The following KCNK2 variants were observed in gnomAD, a reference collection of about 807,000 sequenced individuals.
KCNK2 encodes potassium channel subfamily K member 2.
Under a neutral mutation model 40.5 loss-of-function variants are expected in KCNK2, and 21 were observed. The ratio of observed to expected loss-of-function variants is 0.52; its 90% confidence interval spans 0.37 to 0.75. The LOEUF is 0.75. Among genes scored for constraint, KCNK2 ranks in the 30% least tolerant of loss-of-function variants. The pLI, the probability that KCNK2 is intolerant of heterozygous loss-of-function variation, is 0.00. For synonymous variants in KCNK2, 191 were observed against 202.2 expected (o/e 0.94, Z 0.47); for missense variants, 399 against 531.6 (o/e 0.75, Z 2.45).
chr1:215,227,480 G>A (rs893584447), intron 6 of KCNK2, among the ~76,000 whole-genome samples: 2 of 152,200 alleles, frequency 1.3e-5, no homozygotes, highest in Admixed American at 6.5e-5. Flanking sequence ...CCGACATGGA[G>A]TTTGAGAGGG....
intron 1 of KCNK2, among the ~76,000 whole-genome samples, chr1:215,037,334 T>C (rs578197291): frequency 1.9e-4 from 29 of 152,102 alleles, no homozygotes; most frequent in African/African-American, 6.0e-4. Flanking sequence ...GTTATACTGA[T>C]AGATTTTCAA....
chr1:215,029,699 T>G (rs901305477), intron 1 of KCNK2, among the ~76,000 whole-genome samples: 2 of 150,190 alleles, frequency 1.3e-5, no homozygotes, highest in African/African-American at 2.4e-5. Flanking sequence ...ATTTTTAAAA[T>G]TAAATTACCA....
intron 6 of KCNK2, among the ~76,000 whole-genome samples, chr1:215,206,785 T>C (rs1417775974): frequency 6.6e-6 from 1 of 152,202 alleles, no homozygotes; most frequent in Non-Finnish European, 1.5e-5. Context: ...TAATAATGCA[T>C]ATTGATCCCT....
intron 2 of KCNK2, among the ~76,000 whole-genome samples, chr1:215,110,933 T>C (rs1660655654): frequency 6.6e-6 from 1 of 152,168 alleles, no homozygotes; most frequent in South Asian, 2.1e-4. Flanking sequence ...ACATACAATG[T>C]CATGTGTCCA....
chr1:215,125,591 G>A (rs2102582224), intron 3 of KCNK2, among the ~76,000 whole-genome samples: 1 of 151,868 alleles, frequency 6.6e-6, no homozygotes, highest in East Asian at 1.9e-4. Flanking sequence ...CCTGTTGTGG[G>A]GTGGGGAGAT....
intron 3 of KCNK2, 53 bp downstream of exon 3, chr1:215,124,803 A>G: frequency 9.2e-7 from 1 of 1,082,146 alleles, no homozygotes; most frequent in African/African-American, 1.6e-5. Flanking sequence ...GTGAGCTAAA[A>G]TCCATTTGTT....
At chr1:215,215,483 A>G (rs181028303) in intron 6 of KCNK2, among the ~76,000 whole-genome samples, 396 of 152,294 alleles carry the variant, frequency 2.6e-3, no homozygotes, top group Non-Finnish European at 4.8e-3. Flanking sequence ...TAAATATGAA[A>G]GTTTGCCTGA....
chr1:215,111,948 T>TTTTTTTTTTTTTGAGACGG (rs1320159445), intron 2 of KCNK2, among the ~76,000 whole-genome samples: 1 of 150,778 alleles, frequency 6.6e-6, no homozygotes, highest in African/African-American at 2.5e-5. Flanking sequence ...AAATCTTTTT[T>TTTTTTTTTTTTTGAGACGG]ATAGTTGTGC....
intron 1 of KCNK2, among the ~76,000 whole-genome samples, chr1:215,041,299 A>C (rs570378880): frequency 6.6e-6 from 1 of 152,220 alleles, no homozygotes; most frequent in Non-Finnish European, 1.5e-5. Context: ...CACTTCCAGA[A>C]GTTGTAATAA....
intron 6 of KCNK2, among the ~76,000 whole-genome samples, chr1:215,231,853 C>A (rs997143705): frequency 6.6e-6 from 1 of 152,158 alleles, no homozygotes; most frequent in South Asian, 2.1e-4. Context: ...GGACTTCTTA[C>A]GTGGCAGCGG....
intron 6 of KCNK2, among the ~76,000 whole-genome samples, chr1:215,211,670 T>C (rs1001044889): frequency 1.3e-5 from 2 of 152,296 alleles, no homozygotes; most frequent in Admixed American, 6.5e-5. Flanking sequence ...GCTTGTTGAA[T>C]TGAATGGATG....
At chr1:215,180,872 T>C (rs1275639755) in intron 5 of KCNK2, among the ~76,000 whole-genome samples, 1 of 152,144 alleles carries the variant, frequency 6.6e-6, no homozygotes, top group Non-Finnish European at 1.5e-5. Context: ...TCACAGGTGT[T>C]CTCTGGATTT....
At chr1:215,049,981 TC>T (rs1657925519) in intron 1 of KCNK2, among the ~76,000 whole-genome samples, 1 of 152,140 alleles carries the variant, frequency 6.6e-6, no homozygotes, top group South Asian at 2.1e-4. Context: ...GTTTCAGTTA[TC>T]CTAGAGCCTG....
In KCNK2 at chr1:215,086,692, A is replaced by T; in HGVS notation, c.357+14A>T. The T allele has an allele frequency of 1.2e-6, 2 of 1,605,754 alleles. No homozygotes were observed. The highest frequency in any genetic ancestry group is 1.7e-6 in the Non-Finnish European group (2 of 1,174,222). ...GAACTCATTCAGGTAATGGCATGGG[A>T]GGAGTTGTTACTCTGTTCCCCCAAA... On this transcript the variant is annotated intron_variant, in intron 2 of 6. Transcript: ENST00000444842.
At chr1:215,080,285 G>A (rs1366648922), upstream of KCNK2, among the ~76,000 whole-genome samples, 1 of 152,126 alleles carries the variant, frequency 6.6e-6, no homozygotes, top group East Asian at 1.9e-4. Flanking sequence ...GGCAAGATGC[G>A]GTTAAATTTG....
At chr1:215,078,547 C>G (rs560050821), upstream of KCNK2, among the ~76,000 whole-genome samples, 1 of 152,250 alleles carries the variant, frequency 6.6e-6, no homozygotes, top group Non-Finnish European at 1.5e-5. Context: ...ACCATCAGAT[C>G]TCATGAAACT....
intron 1 of KCNK2, among the ~76,000 whole-genome samples, chr1:215,043,817 C>A (rs1657649233): frequency 6.6e-6 from 1 of 151,854 alleles, no homozygotes; most frequent in Non-Finnish European, 1.5e-5. Context: ...TATATTTTAC[C>A]ACAATAAGAA....
At chr1:215,050,082 A>T (rs898619332) in intron 1 of KCNK2, among the ~76,000 whole-genome samples, 3 of 152,176 alleles carry the variant, frequency 2.0e-5, no homozygotes, top group African/African-American at 7.2e-5. Context: ...AAACCTATAG[A>T]TCAACATGGG....
In KCNK2 at chr1:215,086,578, C is replaced by G; in HGVS notation, c.257C>G (p.Pro86Arg). ...ACCGTGTTCAAAGCATTGGAGCAGC[C>G]TCATGAGATTTCACAGAGGACCACC... Reference protein sequence around the residue: ...GATVFKALEQPHEISQRTTIV... With the variant: ...GATVFKALEQRHEISQRTTIV... Residue 86 changes from proline (P) to arginine (R), a missense_variant, in exon 2 of 7, where the codon CCT (proline) becomes CGT (arginine). Physicochemically the swap from Pro to Arg is moderately radical, Grantham distance 103. Coordinates refer to ENST00000444842, the MANE Select transcript of KCNK2 (RefSeq NM_001017425.3). The G allele has an allele frequency of 6.2e-7, 1 of 1,614,160 alleles. No individual in the cohort carries two copies. The highest frequency in any genetic ancestry group is 8.5e-7 in the Non-Finnish European group (1 of 1,179,998).
Sources: gnomAD v4.1 joint callset for allele counts (sites outside exome capture counted in the v4.1 genomes callset) on GRCh38, gnomAD v4.1.1 for gene constraint, MANE v1.5 for transcripts, NCBI Gene and HGNC (gene_info 2026-07-23, HGNC 2026-07-21) for gene names.